Variants in TPM1 observed in about 807,000 individuals in gnomAD.
TPM1 encodes the protein tropomyosin alpha-1 chain.
TPM1 carries 24 observed loss-of-function variants against 42.9 expected under a neutral mutation model. That is an observed-to-expected ratio of 0.56 (90% CI 0.41 to 0.79). The LOEUF is 0.79. Among genes scored for constraint, TPM1 ranks in the 30% least tolerant of loss-of-function variants. The probability of loss-of-function intolerance (pLI) is 0.00; values close to 1 mark genes in which losing one functional copy is unlikely to be tolerated. For missense variants in TPM1, 158 were observed against 351.8 expected, an observed-to-expected ratio of 0.45 and a Z score of 4.41; for synonymous variants, 136 against 130.1, an observed-to-expected ratio of 1.05 and a Z score of -0.31.
At chr15:63,069,516 C>G (rs919387402), downstream of TPM1, among the ~76,000 whole-genome samples, 1 of 152,206 alleles carries the variant, frequency 6.6e-6, no homozygotes, top group Non-Finnish European at 1.5e-5. Context: ...GCCAGGCCTG[C>G]ATTCCCAAAT....
chr15:63,060,795 C>T, intron 4 of TPM1, 74 bp from the exon 5 acceptor site: 2 of 1,532,902 alleles, frequency 1.3e-6, no homozygotes, highest in Middle Eastern at 1.7e-4. Flanking sequence ...GGGATCTGAT[C>T]TCTACCCCCA....
chr15:63,048,400 C>T (rs922811987), intron 2 of TPM1: 143 of 1,356,620 alleles, frequency 1.1e-4, no homozygotes, highest in Non-Finnish European at 8.9e-5. Context: ...CTGCGCAGCC[C>T]TGGAGGCTGC....
At chr15:63,070,702 CCTGTACCTTGGAAATGT>C, downstream of TPM1, 1 of 1,047,714 alleles carries the variant, frequency 9.5e-7, no homozygotes, top group Non-Finnish European at 1.2e-6. Context: ...CTTTTAACTG[CCTGTACCTTGGAAATGT>C]CTGCTGTTCG....
intron 2 of TPM1, chr15:63,048,103 A>G: frequency 2.4e-6 from 1 of 410,146 alleles, no homozygotes; most frequent in South Asian, 1.7e-5. Context: ...CGGGCATGGG[A>G]ATCTGGACTC....
chr15:63,048,458 G>C lies in TPM1; in HGVS notation c.240+4306G>C, dbSNP rs1330940449. Reference sequence around the variant, plus strand: ...GCAGGGGGCGCCGCCATCGCACAGAGAGGCCTGGGCGGGGCGGACCGGCGC... The same window carrying C: ...GCAGGGGGCGCCGCCATCGCACAGACAGGCCTGGGCGGGGCGGACCGGCGC... On this transcript the variant is annotated intron_variant, in intron 2 of 9. Transcript: ENST00000403994. 2.2e-6 allele frequency: 3 copies of C among 1,362,848 alleles called. No individual in the cohort carries two copies. The African/African-American group carries it at 4.6e-5, about 21-fold the overall frequency. The allele number at this position is 1,362,848 out of a possible 1,614,324, so 84.4% of individuals were successfully genotyped here.
chr15:63,063,308 T>C, intron 8 of TPM1: 1 of 985,420 alleles, frequency 1.0e-6, no homozygotes, highest in Non-Finnish European at 1.2e-6. Flanking sequence ...GGAACTAGTG[T>C]TTGGTGCAGA....
intron 2 of TPM1, chr15:63,048,414 T>G: frequency 7.4e-7 from 1 of 1,354,476 alleles, no homozygotes; most frequent in South Asian, 1.7e-5. Context: ...AGGCTGCGAC[T>G]TCCGGACTGC....
intron 2 of TPM1, chr15:63,048,452 C>A: frequency 7.4e-7 from 1 of 1,359,844 alleles, no homozygotes; most frequent in South Asian, 1.7e-5. Flanking sequence ...GCCGCCATCG[C>A]ACAGAGAGGC....
downstream of TPM1, chr15:63,071,049 A>C (rs766319906): frequency 6.2e-6 from 10 of 1,613,000 alleles, no homozygotes; most frequent in Non-Finnish European, 8.5e-6. Flanking sequence ...TTGTGTCCAA[A>C]GCACAGCTAT....
At chr15:63,043,249 T>G in intron 1 of TPM1, 2 of 505,658 alleles carry the variant, frequency 4.0e-6, no homozygotes, top group Non-Finnish European at 3.7e-6. Flanking sequence ...GGACACCCGG[T>G]TCCTGGGGAC....
chr15:63,062,733 T>C (rs1354480526), intron 8 of TPM1, 88 bp downstream of exon 8: 8 of 1,606,292 alleles, frequency 5.0e-6, no homozygotes, highest in Non-Finnish European at 6.8e-6. Flanking sequence ...GGCATCCACA[T>C]TGATACGCTC....
intron 9 of TPM1, chr15:63,065,068 T>C (rs982097297): frequency 3.0e-6 from 3 of 985,340 alleles, no homozygotes; most frequent in Non-Finnish European, 3.6e-6. Context: ...ACGATAAATA[T>C]TTACCACAAC....
At chr15:63,048,756 G>A (rs1199725545) in intron 2 of TPM1, 1 of 1,518,232 alleles carries the variant, frequency 6.6e-7, no homozygotes, top group Non-Finnish European at 8.8e-7. Flanking sequence ...GCATCCTCCC[G>A]GGGCAGCCCC....
At chr15:63,050,784 T>C (rs547456757) in intron 2 of TPM1, among the ~76,000 whole-genome samples, 5 of 152,244 alleles carry the variant, frequency 3.3e-5, no homozygotes, top group Non-Finnish European at 5.9e-5. Context: ...GGAACTTAAA[T>C]GTAGCTGACT....
chr15:63,059,825 G>T, intron 4 of TPM1, 145 bp downstream of exon 4: 2 of 598,748 alleles, frequency 3.3e-6, no homozygotes, highest in Non-Finnish European at 6.2e-6. Context: ...GTTCCTTTGT[G>T]TCCAGAAAAC....
downstream of TPM1, among the ~76,000 whole-genome samples, chr15:63,069,506 G>C (rs1240030671): frequency 6.6e-6 from 1 of 152,170 alleles, no homozygotes; most frequent in Non-Finnish European, 1.5e-5. Flanking sequence ...CTCGCCTCCA[G>C]CCAGGCCTGC....
At chr15:63,057,285 A>C (rs2034957688) in intron 3 of TPM1, among the ~76,000 whole-genome samples, 167 bp downstream of exon 3, 1 of 152,214 alleles carries the variant, frequency 6.6e-6, no homozygotes, top group African/African-American at 2.4e-5. Context: ...ATTTAGCATT[A>C]GTGAAACACC....
chr15:63,059,227 T>A (rs1443959567), intron 3 of TPM1, among the ~76,000 whole-genome samples: 1 of 152,244 alleles, frequency 6.6e-6, no homozygotes, highest in African/African-American at 2.4e-5. Flanking sequence ...ATTATCTTTT[T>A]AATAGTAAAG....
chr15:63,059,049 T>C (rs2140931615), intron 3 of TPM1, among the ~76,000 whole-genome samples: 1 of 152,370 alleles, frequency 6.6e-6, no homozygotes, highest in East Asian at 1.9e-4. Flanking sequence ...GCATTCTTTG[T>C]GGACTTAATA....
Sources: allele counts gnomAD v4.1 joint callset (sites outside exome capture counted in the v4.1 genomes callset), GRCh38; gene constraint gnomAD v4.1.1; transcripts MANE v1.5; gene names NCBI Gene and HGNC (gene_info 2026-07-23, HGNC 2026-07-21).